The following CDKAL1 variants were observed in gnomAD, a reference collection of about 807,000 sequenced individuals.
CDKAL1 encodes threonylcarbamoyladenosine tRNA methylthiotransferase.
Under a neutral mutation model 68.2 loss-of-function variants are expected in CDKAL1, and 32 were observed. The observed-to-expected ratio is 0.47, with a 90% CI of 0.35 to 0.63. The LOEUF (loss-of-function observed/expected upper bound fraction) is 0.63. Ranked by LOEUF, CDKAL1 falls within the 30% of genes least tolerant of loss-of-function variation. The pLI, the probability that CDKAL1 is intolerant of heterozygous loss-of-function variation, is 0.00. For missense variants in CDKAL1, 606 were observed against 696.7 expected (o/e 0.87, Z 1.47); for synonymous variants, 234 against 244.3 (o/e 0.96, Z 0.39).
At chr6:20,610,966 C>T (rs1406972176) in intron 4 of CDKAL1, among the ~76,000 whole-genome samples, 7 of 152,146 alleles carry the variant, frequency 4.6e-5, no homozygotes, top group Non-Finnish European at 8.8e-5. Context: ...CACACCACCA[C>T]GCCTGACTAG....
intron 6 of CDKAL1, among the ~76,000 whole-genome samples, chr6:20,752,541 C>T (rs544029445): frequency 2.0e-5 from 3 of 152,122 alleles, no homozygotes; most frequent in East Asian, 1.9e-4. Context: ...TTCATTTTGA[C>T]GTAGTATCAC....
intron 9 of CDKAL1, among the ~76,000 whole-genome samples, chr6:20,899,838 G>T (rs571619628): frequency 6.6e-6 from 1 of 152,180 alleles, no homozygotes; most frequent in South Asian, 2.1e-4. Flanking sequence ...GCGAAACTCC[G>T]TCTCAAAAAA....
At chr6:20,631,471 G>T (rs1767672364) in intron 4 of CDKAL1, among the ~76,000 whole-genome samples, 1 of 152,122 alleles carries the variant, frequency 6.6e-6, no homozygotes, top group Non-Finnish European at 1.5e-5. Flanking sequence ...TTGTAGATTG[G>T]AAACTTTTAA....
intron 8 of CDKAL1, among the ~76,000 whole-genome samples, chr6:20,813,090 G>GTCTC (rs140245169): frequency 6.6e-6 from 1 of 151,514 alleles, no homozygotes; most frequent in Non-Finnish European, 1.5e-5. Flanking sequence ...CATCCTTTCT[G>GTCTC]TCTCTCTCTC....
intron 15 of CDKAL1, among the ~76,000 whole-genome samples, chr6:21,220,307 C>T (rs951677105): frequency 7.9e-5 from 12 of 152,128 alleles, no homozygotes; most frequent in African/African-American, 2.9e-4. Flanking sequence ...AGAATAATTT[C>T]CAAATTTCCA....
chr6:21,197,608 T>C (rs1778524799), intron 13 of CDKAL1, among the ~76,000 whole-genome samples: 1 of 152,252 alleles, frequency 6.6e-6, no homozygotes, highest in Non-Finnish European at 1.5e-5. Flanking sequence ...TACTATTCTT[T>C]CATATTGCCA....
intron 11 of CDKAL1, among the ~76,000 whole-genome samples, chr6:21,012,665 C>G (rs1393899815): frequency 6.6e-6 from 1 of 152,222 alleles, no homozygotes; most frequent in Non-Finnish European, 1.5e-5. Flanking sequence ...TGCGCAAGCA[C>G]TGAAGGACGG....
At chr6:20,585,087 C>T (rs1274450717) in intron 4 of CDKAL1, among the ~76,000 whole-genome samples, 5 of 140,816 alleles carry the variant, frequency 3.6e-5, no homozygotes, top group African/African-American at 1.1e-4. Flanking sequence ...GACGGAGTCT[C>T]GCTCTGTCGC....
At chr6:20,544,270 G>A (rs371482998) in intron 2 of CDKAL1, among the ~76,000 whole-genome samples, 20 of 151,680 alleles carry the variant, frequency 1.3e-4, no homozygotes, top group Non-Finnish European at 2.1e-4. Flanking sequence ...CCAATACCAC[G>A]GTCTCAATTA....
chr6:20,864,505 A>G (rs1759802040), intron 9 of CDKAL1, among the ~76,000 whole-genome samples: 1 of 152,196 alleles, frequency 6.6e-6, no homozygotes, highest in Non-Finnish European at 1.5e-5. Context: ...ATATTCTACT[A>G]TGAATTCTGG....
At chr6:21,212,259 G>A in intron 15 of CDKAL1, among the ~76,000 whole-genome samples, 1 of 152,270 alleles carries the variant, frequency 6.6e-6, no homozygotes, top group Non-Finnish European at 1.5e-5. Flanking sequence ...TCCACCAGAG[G>A]CAGGGAACCT....
intron 5 of CDKAL1, among the ~76,000 whole-genome samples, chr6:20,674,718 C>G (rs1770008642): frequency 6.6e-6 from 1 of 152,170 alleles, no homozygotes; most frequent in South Asian, 2.1e-4. Context: ...TTTCTATCTT[C>G]TTTTCCCCTG....
intron 8 of CDKAL1, among the ~76,000 whole-genome samples, chr6:20,815,383 A>G (rs1251701305): frequency 2.0e-5 from 3 of 152,112 alleles, no homozygotes; most frequent in African/African-American, 4.8e-5. Context: ...TCCTGTGCTA[A>G]TTGAACTTCT....
chr6:21,093,030 C>T (rs1445741705), intron 12 of CDKAL1, among the ~76,000 whole-genome samples: 1 of 151,546 alleles, frequency 6.6e-6, no homozygotes, highest in African/African-American at 2.4e-5. Flanking sequence ...AATTCCAAAA[C>T]AGGGTAAACA....
At chr6:20,896,098 C>CTTTTTT (rs1291895133) in intron 9 of CDKAL1, among the ~76,000 whole-genome samples, 230 of 104,112 alleles carry the variant, frequency 2.2e-3, no homozygotes, top group African/African-American at 4.0e-3. Flanking sequence ...CTTTTCTTTT[C>CTTTTTT]TTTTCTTTTT....
At chr6:20,579,377 G>A (rs943539958) in intron 4 of CDKAL1, among the ~76,000 whole-genome samples, 2 of 152,080 alleles carry the variant, frequency 1.3e-5, no homozygotes, top group African/African-American at 4.8e-5. Context: ...TGTAAATTGT[G>A]CTTAGCCTCT....
intron 9 of CDKAL1, among the ~76,000 whole-genome samples, chr6:20,868,905 G>A (rs558977741): frequency 1.3e-5 from 2 of 152,316 alleles, no homozygotes; most frequent in East Asian, 3.9e-4. Flanking sequence ...CATAGTAATG[G>A]CCAAGGTGTA....
chr6:20,695,998 GT>G (rs1771089753), intron 5 of CDKAL1, among the ~76,000 whole-genome samples: 2 of 152,238 alleles, frequency 1.3e-5, no homozygotes, highest in South Asian at 2.1e-4. Flanking sequence ...GAATTTGACT[GT>G]TCCAGATTCC....
intron 11 of CDKAL1, among the ~76,000 whole-genome samples, chr6:21,063,607 C>T (rs1771261338): frequency 6.6e-6 from 1 of 152,080 alleles, no homozygotes; most frequent in Non-Finnish European, 1.5e-5. Flanking sequence ...TTACAAAAAC[C>T]TTTAATTGAC....
Sources: allele counts gnomAD v4.1 joint callset (sites outside exome capture counted in the v4.1 genomes callset), GRCh38; gene constraint gnomAD v4.1.1; transcripts MANE v1.5; gene names NCBI Gene and HGNC (gene_info 2026-07-23, HGNC 2026-07-21).